The following SLC52A1 variants were observed in gnomAD, a reference collection of about 807,000 sequenced individuals.
SLC52A1 encodes the protein solute carrier family 52 member 1.
Under a neutral mutation model 23.2 loss-of-function variants are expected in SLC52A1, and 20 were observed. The ratio of observed to expected loss-of-function variants is 0.86; its 90% confidence interval spans 0.61 to 1.25. The LOEUF (loss-of-function observed/expected upper bound fraction) is 1.25. Among genes scored for constraint, SLC52A1 ranks in the 50% most tolerant of loss-of-function variants. The pLI, the probability that SLC52A1 is intolerant of heterozygous loss-of-function variation, is 0.00. For synonymous variants in SLC52A1, 260 were observed against 256.6 expected (o/e 1.01, Z -0.13); for missense variants, 528 against 557.0 (o/e 0.95, Z 0.52).
At chr17:5,037,916 T>TTC (rs144361096), upstream of SLC52A1, among the ~76,000 whole-genome samples, 16,842 of 41,748 alleles carry the variant, frequency 0.4, 4,027 homozygotes, top group African/African-American at 0.61. Context: ...CTTCCTTCCT[T>TTC]TTTTTTTTTT....
upstream of SLC52A1, among the ~76,000 whole-genome samples, chr17:5,039,555 T>C (rs562807034): frequency 5.3e-5 from 8 of 151,108 alleles, no homozygotes; most frequent in South Asian, 2.1e-4. Context: ...CACCGCAACA[T>C]CCGCCTCCTG....
Position 5,035,398 on chromosome 17 carries a change from G to C in SLC52A1, c.-645C>G, listed in dbSNP as rs1430973256. The C allele has an allele frequency of 6.6e-6, 1 of 152,338 alleles. No homozygotes were observed. The highest frequency in any genetic ancestry group is 1.5e-5 in the Non-Finnish European group (1 of 68,106). 9.4% of individuals were successfully genotyped at this position (152,338 alleles called of 1,614,324 possible). ...GACCCCGGGACAAGGGCACGTCTCTGGTGCCACTTGCAACCCTAGCGCTTT... is the reference window on the plus strand; with the variant it reads ...GACCCCGGGACAAGGGCACGTCTCTCGTGCCACTTGCAACCCTAGCGCTTT... On this transcript the variant is annotated 5_prime_UTR_variant, in exon 1 of 5. Transcript: ENST00000254853.
upstream of SLC52A1, among the ~76,000 whole-genome samples, chr17:5,036,366 T>A (rs1975457492): frequency 4.1e-5 from 6 of 147,162 alleles, no homozygotes; most frequent in South Asian, 1.3e-3. Context: ...TGAAAAAAAA[T>A]TAGCTGGACG....
chr17:5,033,075 G>T lies in SLC52A1; in HGVS notation c.1229C>A (p.Ala410Glu), dbSNP rs112874988. 140 of 1,613,622 alleles carry T rather than the reference G, an allele frequency of 8.7e-5. 1 individual carries two copies. In the African/African-American group the frequency reaches 1.6e-3, roughly 19 times the overall value. Residue 410 changes from alanine to glutamate, a missense_variant, in exon 5 of 5, where the codon GCA becomes GAA. Transcript: ENST00000254853. ...LHGGGRPALL[A>E]AGVAIQVGSL... ...GCCCACTTGGATGGCCACACCAGCT[G>T]CCAGCAATGCCGGCCGACCCCCACC...
intron 1 of SLC52A1, among the ~76,000 whole-genome samples, chr17:5,040,791 G>A (rs1237927644): frequency 2.0e-5 from 3 of 150,646 alleles, no homozygotes; most frequent in Admixed American, 6.7e-5. Flanking sequence ...CTATAGCACC[G>A]AATAGCACTT....
At position 5,033,499 on chromosome 17, in the gene SLC52A1, C is replaced by A; in HGVS notation, c.990G>T (p.Leu330=). 6.2e-7 allele frequency: 1 copy of A among 1,612,192 alleles called. No individual in the cohort carries two copies. ...GSAANPLACF[L]AMGVLCRSLA... ...TGCACCTGCACAGCACGCCCATGGC[C>A]AGGAAGCAGGCAAGGGGGTTGGCGG... The change falls in exon 3 of 5, where the codon CTG becomes CTT. Residue 330 remains leucine (L), a synonymous_variant. Coordinates refer to ENST00000254853, the MANE Select transcript of SLC52A1 (RefSeq NM_017986.4).
In SLC52A1 at chr17:5,033,470, C is replaced by G. The variant is rs754428191; in HGVS notation, c.1010+9G>C. On this transcript the variant is annotated intron_variant, in intron 3 of 4. Coordinates refer to ENST00000254853, the MANE Select transcript of SLC52A1 (RefSeq NM_017986.4). ...GTTCCACCCACCAAGCCTGGGGACC[C>G]TTTTGCACCTGCACAGCACGCCCAT... 6.2e-7 allele frequency: 1 copy of G among 1,609,494 alleles called. No homozygotes were observed. The highest frequency in any genetic ancestry group is 8.5e-7 in the Non-Finnish European group (1 of 1,177,698).
At chr17:5,037,914 CTT>C (rs10673155), upstream of SLC52A1, among the ~76,000 whole-genome samples, 2 of 40,020 alleles carry the variant, frequency 5.0e-5, no homozygotes, top group Admixed American at 2.1e-4. Flanking sequence ...TTCTTCCTTC[CTT>C]TTTTTTTTTT....
upstream of SLC52A1, among the ~76,000 whole-genome samples, chr17:5,035,600 C>T (rs902941892): frequency 1.3e-5 from 2 of 152,214 alleles, no homozygotes; most frequent in East Asian, 1.9e-4. Context: ...CCGGACCCAG[C>T]GGCTGGCGGT....
rs117699653 is a variant in SLC52A1, at chr17:5,041,938, G to A, written c.-107-7225C>T. On this transcript the variant is annotated intron_variant, in intron 1 of 3. Transcript: ENST00000512825. ...ATTTTTAAGGATATGGTCTCACTGT[G>A]TTTCCCAGACTGGTCTCAAACTTCT... Among the ~76,000 whole-genome samples, 34 of 152,126 alleles carry A rather than the reference G, an allele frequency of 2.2e-4. No homozygotes were observed. The East Asian group carries it at 6.4e-3, about 29-fold the overall frequency.
At chr17:5,038,688 A>G (rs1214614800), upstream of SLC52A1, among the ~76,000 whole-genome samples, 4 of 151,084 alleles carry the variant, frequency 2.6e-5, no homozygotes, top group African/African-American at 4.9e-5. Context: ...CTGGGTTCAC[A>G]CCATTCTCCT....
In SLC52A1 at chr17:5,034,477, C is replaced by G; in HGVS notation, c.130G>C (p.Gly44Arg). The part of the protein sequence containing the change: ...LPVVVKDLPE[G>R]WSLPSYLSVV... ...TTCCCTGTACCTCCCTCCCACTCAC[C>G]CTCTGGAAGGTCTTTTACCACCACA... The change falls in exon 2 of 5, where the codon GGT becomes CGT. Residue 44 changes from glycine to arginine, a missense_variant and splice_region_variant. Gly to Arg is a moderately radical substitution (Grantham distance 125). Coordinates refer to ENST00000254853, the MANE Select transcript of SLC52A1 (RefSeq NM_017986.4). The G allele has an allele frequency of 6.2e-7, 1 of 1,614,246 alleles. No homozygotes were observed. The highest frequency in any genetic ancestry group is 8.5e-7 in the Non-Finnish European group (1 of 1,180,042).
chr17:5,037,156 CAAAACAA>C (rs1975477008), upstream of SLC52A1, among the ~76,000 whole-genome samples: 1 of 152,142 alleles, frequency 6.6e-6, no homozygotes, highest in African/African-American at 2.4e-5. Flanking sequence ...AAAACCAAAA[CAAAACAA>C]AAAACAAAGA....
At position 5,033,016 on chromosome 17, in the gene SLC52A1, T is replaced by G; in HGVS notation, c.1288A>C (p.Thr430Pro). The change falls in exon 5 of 5, where the codon ACC (threonine) becomes CCC (proline). Residue 430 changes from threonine (T) to proline (P), a missense_variant. Physicochemically the swap from Thr to Pro is conservative, Grantham distance 38 (BLOSUM62 -1). Transcript: ENST00000254853. ...CTTTGAAACACGTGGTAGATGCTGG[T>G]GGGAGGGAACATGGCACCGGCACCA... is the stretch of plus-strand genomic sequence containing the variant. Reference protein sequence around the residue: ...LLGAGAMFPPTSIYHVFQSRK... With the variant: ...LLGAGAMFPPPSIYHVFQSRK... The G allele has an allele frequency of 6.2e-7, 1 of 1,613,650 alleles. No homozygotes were observed. Among genetic ancestry groups the G allele is most frequent in the Non-Finnish European group, 8.5e-7 (1 of 1,179,968 alleles).
chr17:5,037,803 C>G (rs1975490556), upstream of SLC52A1, among the ~76,000 whole-genome samples: 1 of 152,094 alleles, frequency 6.6e-6, no homozygotes, highest in Non-Finnish European at 1.5e-5. Context: ...CATTATACCA[C>G]ATAGGACGTG....
chr17:5,034,249 G>A lies in SLC52A1; in HGVS notation c.240C>T (p.Pro80=), dbSNP rs775262570. 5.6e-6 allele frequency: 9 copies of A among 1,612,674 alleles called. No individual in the cohort carries two copies. The highest frequency in any genetic ancestry group is 5.0e-5 in the Admixed American group (3 of 59,944). Residue 80 remains proline, a synonymous_variant, in exon 3 of 5, where the codon CCC becomes CCT. Coordinates refer to ENST00000254853, the MANE Select transcript of SLC52A1 (RefSeq NM_017986.4). ...CACTCAGCACCTGTACCACCTGGAT[G>A]GGGACCTGCTCGCCCTTGCCCGGGG... ...QLAPGKGEQV[P]IQVVQVLSVV...
chr17:5,035,538 C>G (rs967730052), upstream of SLC52A1: 3 of 152,312 alleles, frequency 2.0e-5, no homozygotes, highest in Admixed American at 2.0e-4. Flanking sequence ...GGGGGGCATC[C>G]CGGGAGCCGC....
intron 1 of SLC52A1, among the ~76,000 whole-genome samples, chr17:5,041,548 GC>G (rs1473454347): frequency 6.6e-6 from 1 of 152,042 alleles, no homozygotes; most frequent in Non-Finnish European, 1.5e-5. Context: ...TGCGATCTTG[GC>G]TCACTGCAAC....
rs113417975 is a variant in SLC52A1 at position 5,034,447 on chromosome 17, CA to C, written c.130+29del. ...GCCACCTTTCTGGGCATACCTGCCCCACGCTTCCCTGTACCTCCCTCCCACT... is the reference window on the plus strand; with the variant it reads ...GCCACCTTTCTGGGCATACCTGCCCCCGCTTCCCTGTACCTCCCTCCCACT... On this transcript the variant is annotated intron_variant, in intron 2 of 4. Coordinates refer to ENST00000254853, the MANE Select transcript of SLC52A1 (RefSeq NM_017986.4). 143 of 1,613,766 alleles carry C rather than the reference CA, an allele frequency of 8.9e-5. 1 individual carries two copies. In the African/African-American group the frequency reaches 1.7e-3, roughly 19 times the overall value.
Sources: allele counts gnomAD v4.1 joint callset (sites outside exome capture counted in the v4.1 genomes callset), GRCh38; gene constraint gnomAD v4.1.1; transcripts MANE v1.5; gene names NCBI Gene and HGNC (gene_info 2026-07-23, HGNC 2026-07-21).